DOCK1: variants seen among roughly 807,000 people sequenced by gnomAD.
The protein encoded by DOCK1 is dedicator of cytokinesis 1.
DOCK1 carries 138 observed loss-of-function variants against 262.7 expected under a neutral mutation model. The ratio of observed to expected loss-of-function variants is 0.53; its 90% CI spans 0.46 to 0.61. The LOEUF is 0.61. Among genes scored for constraint, DOCK1 ranks in the 20% least tolerant of loss-of-function variants. The pLI is 0.00. For missense variants in DOCK1, 1,908 were observed against 2,370.7 expected, an observed-to-expected ratio of 0.80 and a Z score of 4.05; for synonymous variants, 866 against 867.4, an observed-to-expected ratio of 1.00 and a Z score of 0.03.
intron 51 of DOCK1, 89 bp from the exon 52 acceptor site, chr10:127,451,243 C>A: frequency 7.0e-7 from 1 of 1,423,456 alleles, no homozygotes; most frequent in Non-Finnish European, 9.6e-7. Flanking sequence ...GGCTGAGTGG[C>A]TGTGCCAGGT....
intron 25 of DOCK1, among the ~76,000 whole-genome samples, chr10:127,111,563 A>G (rs2048866362): frequency 6.6e-6 from 1 of 152,076 alleles, no homozygotes; most frequent in Admixed American, 6.6e-5. Context: ...GTTTTCCAAG[A>G]CTTGGGTACT....
At chr10:127,197,011 C>T (rs1208687470) in intron 27 of DOCK1, among the ~76,000 whole-genome samples, 3 of 152,028 alleles carry the variant, frequency 2.0e-5, no homozygotes, top group Non-Finnish European at 4.4e-5. Flanking sequence ...TTGAAGGGTG[C>T]GTGTCTTGTA....
At chr10:127,331,650 AACTT>A (rs1445261946) in intron 29 of DOCK1, among the ~76,000 whole-genome samples, 1 of 152,150 alleles carries the variant, frequency 6.6e-6, no homozygotes, top group Non-Finnish European at 1.5e-5. Flanking sequence ...TCCATTGGGA[AACTT>A]AGGATTTTAT....
intron 31 of DOCK1, among the ~76,000 whole-genome samples, chr10:127,347,689 G>C (rs578216776): frequency 6.6e-6 from 1 of 151,322 alleles, no homozygotes; most frequent in Non-Finnish European, 1.5e-5. Context: ...TCTGTTTCTC[G>C]GGGGAAAGGC....
intron 5 of DOCK1, 80 bp downstream of exon 5, chr10:126,987,697 T>C: frequency 7.9e-7 from 1 of 1,270,968 alleles, no homozygotes. Flanking sequence ...TGGGATGTTT[T>C]TTTTTCTCAG....
At chr10:126,944,861 C>G (rs950388201) in intron 1 of DOCK1, among the ~76,000 whole-genome samples, 2 of 152,080 alleles carry the variant, frequency 1.3e-5, no homozygotes, top group Non-Finnish European at 2.9e-5. Flanking sequence ...GTTTTTGAGA[C>G]TGATCCTCTC....
intron 1 of DOCK1, among the ~76,000 whole-genome samples, chr10:126,940,926 T>A (rs2134248496): frequency 6.6e-6 from 1 of 152,322 alleles, no homozygotes; most frequent in Non-Finnish European, 1.5e-5. Flanking sequence ...CCCTGTAACC[T>A]CACCAAGATG....
intron 49 of DOCK1, among the ~76,000 whole-genome samples, chr10:127,442,663 G>A (rs2070251413): frequency 6.6e-6 from 1 of 152,164 alleles, no homozygotes; most frequent in Non-Finnish European, 1.5e-5. Context: ...AATGACCTAG[G>A]ATGAGAGAAG....
chr10:126,962,348 G>C (rs2037296122), intron 1 of DOCK1, among the ~76,000 whole-genome samples: 1 of 152,212 alleles, frequency 6.6e-6, no homozygotes, highest in East Asian at 1.9e-4. Context: ...TAGTAGAAAT[G>C]GGGTTTCTCC....
At chr10:126,910,938 C>T (rs1000655238) in intron 1 of DOCK1, among the ~76,000 whole-genome samples, 3 of 152,100 alleles carry the variant, frequency 2.0e-5, no homozygotes, top group Non-Finnish European at 2.9e-5. Flanking sequence ...TCTGGATATG[C>T]CCCAGATTAA....
chr10:127,318,156 A>G (rs2720979), intron 29 of DOCK1, among the ~76,000 whole-genome samples: 259 of 152,290 alleles, frequency 1.7e-3, no homozygotes, highest in African/African-American at 5.9e-3. Flanking sequence ...CTTCTGGATT[A>G]TTTTCGTTGC....
intron 27 of DOCK1, among the ~76,000 whole-genome samples, chr10:127,153,015 C>A (rs1334418313): frequency 1.3e-5 from 2 of 152,180 alleles, no homozygotes; most frequent in African/African-American, 4.8e-5. Flanking sequence ...GTTCTTAATG[C>A]AGAGGACAGT....
intron 23 of DOCK1, among the ~76,000 whole-genome samples, chr10:127,083,642 G>T (rs986355207): frequency 6.6e-6 from 1 of 152,176 alleles, no homozygotes; most frequent in Non-Finnish European, 1.5e-5. Context: ...AAGGCTAAAT[G>T]GAAGATGATT....
chr10:127,203,103 C>T (rs1053364481), intron 27 of DOCK1, among the ~76,000 whole-genome samples: 2 of 152,160 alleles, frequency 1.3e-5, no homozygotes, highest in African/African-American at 4.8e-5. Context: ...CTAAGCTTCC[C>T]CAATATAATT....
At chr10:127,387,451 G>A (rs2066191089) in intron 38 of DOCK1, among the ~76,000 whole-genome samples, 2 of 152,196 alleles carry the variant, frequency 1.3e-5, no homozygotes. Context: ...GACCACGCGT[G>A]CATGGTGGAC....
At chr10:127,019,249 G>T (rs1591681702) in intron 13 of DOCK1, among the ~76,000 whole-genome samples, 1 of 152,306 alleles carries the variant, frequency 6.6e-6, no homozygotes, top group Middle Eastern at 3.4e-3. Context: ...ACGTTATACT[G>T]GCATTCCTCC....
intron 27 of DOCK1, among the ~76,000 whole-genome samples, chr10:127,163,597 T>C (rs1361031522): frequency 6.6e-6 from 1 of 152,150 alleles, no homozygotes; most frequent in Non-Finnish European, 1.5e-5. Context: ...AACATGCCCT[T>C]TTGCTTCTGA....
intron 27 of DOCK1, among the ~76,000 whole-genome samples, chr10:127,245,893 T>C (rs1406594123): frequency 6.6e-6 from 1 of 152,204 alleles, no homozygotes; most frequent in Non-Finnish European, 1.5e-5. Flanking sequence ...AAGTCTCCAT[T>C]GTGTAACTGG....
intron 2 of DOCK1, among the ~76,000 whole-genome samples, chr10:126,975,447 C>T (rs1303340786): frequency 6.6e-6 from 1 of 152,206 alleles, no homozygotes; most frequent in African/African-American, 2.4e-5. Context: ...GCAGTGGACA[C>T]TGCCACCCAC....
Sources: gnomAD v4.1 joint callset for allele counts (sites outside exome capture counted in the v4.1 genomes callset) on GRCh38, gnomAD v4.1.1 for gene constraint, MANE v1.5 for transcripts, NCBI Gene and HGNC (gene_info 2026-07-23, HGNC 2026-07-21) for gene names.